AGBL1: variants seen among roughly 807,000 people sequenced by gnomAD.
AGBL1 encodes the protein cytosolic carboxypeptidase 4.
In AGBL1, 130 loss-of-function variants were observed where a neutral mutation model predicts 118.9. That is an observed-to-expected ratio of 1.09 (90% CI 0.95 to 1.26). The LOEUF is 1.26. Ranked by LOEUF, AGBL1 falls within the 50% of genes most tolerant of loss-of-function variation. AGBL1 has a pLI of 0.00. For synonymous variants in AGBL1, 555 were observed against 478.9 expected (o/e 1.16, Z -2.08); for missense variants, 1,584 against 1,298.1 (o/e 1.22, Z -3.38).
chr15:86,690,472 T>A (rs985283123), intron 22 of AGBL1, among the ~76,000 whole-genome samples: 7 of 152,158 alleles, frequency 4.6e-5, no homozygotes, highest in Admixed American at 4.6e-4. Flanking sequence ...GGGGTGAGAT[T>A]TAGTCCATTC....
At chr15:86,941,295 C>T (rs930782080) in intron 23 of AGBL1, among the ~76,000 whole-genome samples, 2 of 152,182 alleles carry the variant, frequency 1.3e-5, no homozygotes, top group African/African-American at 4.8e-5. Flanking sequence ...TCAACCCTGT[C>T]AGGACGTTGT....
chr15:86,845,875 A>C (rs1466779606), intron 22 of AGBL1, among the ~76,000 whole-genome samples: 1 of 152,178 alleles, frequency 6.6e-6, no homozygotes, highest in Non-Finnish European at 1.5e-5. Flanking sequence ...AAATATGTAT[A>C]TCTTTTCTCC....
At chr15:86,439,329 C>T (rs1275134286) in intron 18 of AGBL1, among the ~76,000 whole-genome samples, 5 of 152,152 alleles carry the variant, frequency 3.3e-5, no homozygotes, top group Non-Finnish European at 7.4e-5. Context: ...TTACATTTCC[C>T]CCCACATGAC....
Position 86,162,759 on chromosome 15 carries a change from G to T in AGBL1, c.488+3733G>T, listed in dbSNP as rs573160524. On this transcript the variant is annotated intron_variant, in intron 5 of 22. Coordinates refer to ENST00000614907, the MANE Select transcript of AGBL1 (RefSeq NM_001386094.1). ...TGCCTCAGCTTCCCTTTCCAGAGTG[G>T]TTTCTCATTCCTGCTCTCATCTCGC... 4.6e-5 allele frequency among the ~76,000 whole-genome samples: 7 copies of T among 152,290 alleles called. No individual in the cohort carries two copies. The South Asian group carries it at 1.4e-3, about 32-fold the overall frequency.
At chr15:86,199,400 A>G (rs2077868444) in intron 5 of AGBL1, among the ~76,000 whole-genome samples, 1 of 152,226 alleles carries the variant, frequency 6.6e-6, no homozygotes, top group Non-Finnish European at 1.5e-5. Flanking sequence ...CCTTAAAAGA[A>G]GATGTAACTT....
In AGBL1 at chr15:86,773,130, A is replaced by T. The variant is rs1470074924; in HGVS notation, c.3158+98694A>T. Among the ~76,000 whole-genome samples, 4 of 152,028 alleles carry T rather than the reference A, an allele frequency of 2.6e-5. No individual in the cohort carries two copies. In the East Asian group the frequency reaches 7.7e-4, roughly 29 times the overall value. On this transcript the variant is annotated intron_variant, in intron 22 of 22. Transcript: ENST00000614907. ...CATGGTTCAGTTCTGTTCAACCAAC[A>T]TTATTGAGTATATACATTGTGTTAG... is the stretch of plus-strand genomic sequence containing the variant.
chr15:86,774,973 G>C (rs545783966), intron 22 of AGBL1, among the ~76,000 whole-genome samples: 71 of 152,276 alleles, frequency 4.7e-4, no homozygotes, highest in African/African-American at 1.7e-3. Context: ...GCAAACTCAT[G>C]TTTGTACTTT....
chr15:86,143,371 A>G (rs2076989533), intron 2 of AGBL1, among the ~76,000 whole-genome samples: 1 of 152,220 alleles, frequency 6.6e-6, no homozygotes, highest in Admixed American at 6.5e-5. Flanking sequence ...ATTATTCAAA[A>G]GCCCATATGC....
At chr15:86,507,479 G>A (rs564117865) in intron 18 of AGBL1, among the ~76,000 whole-genome samples, 30 of 152,088 alleles carry the variant, frequency 2.0e-4, no homozygotes, top group African/African-American at 6.3e-4. Flanking sequence ...GGTAAGGTCC[G>A]TGTTATCATT....
chr15:86,869,623 G>C (rs530336862), intron 22 of AGBL1, among the ~76,000 whole-genome samples: 2 of 152,254 alleles, frequency 1.3e-5, no homozygotes, highest in South Asian at 4.2e-4. Flanking sequence ...AGAGAAGAAA[G>C]TGTTACCAAA....
intron 21 of AGBL1, among the ~76,000 whole-genome samples, chr15:86,555,760 G>A (rs928918670): frequency 2.6e-5 from 4 of 151,900 alleles, no homozygotes; most frequent in South Asian, 4.2e-4. Flanking sequence ...TTTTTCATAT[G>A]TCAAATGCAG....
At chr15:86,150,870 A>G (rs1489591176) in intron 3 of AGBL1, among the ~76,000 whole-genome samples, 1 of 152,182 alleles carries the variant, frequency 6.6e-6, no homozygotes, top group African/African-American at 2.4e-5. Context: ...ATCCTCAATG[A>G]AATACTGGCA....
intron 22 of AGBL1, among the ~76,000 whole-genome samples, chr15:86,722,256 C>A (rs144554223): frequency 0.43 from 64,852 of 152,034 alleles, 14,872 homozygotes; most frequent in African/African-American, 0.59. Context: ...ACTTCAAACT[C>A]TACTACAAGT....
rs386786008 is a variant in AGBL1 at position 86,200,549 on chromosome 15, TACC to T, written c.489-24364_489-24362del. On this transcript the variant is annotated intron_variant, in intron 5 of 22. Transcript: ENST00000614907. The stretch of plus-strand genomic sequence containing the variant: ...ATCCTACTCTAGAGTAATAGACCCC[TACC>T]CCCCCCCCCCTTTTTTTTTTGCTCC... 2.4e-3 allele frequency among the ~76,000 whole-genome samples: 76 copies of T among 31,970 alleles called. 1 individual carries two copies. The highest frequency in any genetic ancestry group is 7.7e-3 in the African/African-American group (70 of 9,108). 21.0% of individuals were successfully genotyped at this position (31,970 alleles called of 152,430 possible).
intron 22 of AGBL1, among the ~76,000 whole-genome samples, chr15:86,905,427 G>A (rs2080268767): frequency 1.3e-5 from 2 of 152,160 alleles, no homozygotes; most frequent in Admixed American, 1.3e-4. Flanking sequence ...ATTATTAGGA[G>A]TGCCAATTTG....
Position 86,225,106 on chromosome 15 carries a change from G to T in AGBL1, c.526+155G>T, listed in dbSNP as rs573652849. On this transcript the variant is annotated intron_variant, in intron 6 of 22. Coordinates refer to ENST00000614907, the MANE Select transcript of AGBL1 (RefSeq NM_001386094.1). ...AATTCCTGACCTTGAAAGTGATAAA[G>T]TCATGTCGTGGGTCTTTGGGGGTAA... Among the ~76,000 whole-genome samples, 7 of 148,766 alleles carry T rather than the reference G, an allele frequency of 4.7e-5. No individual in the cohort carries two copies. The South Asian group carries it at 1.5e-3, about 32-fold the overall frequency.
Position 86,458,065 on chromosome 15 carries a change from C to T in AGBL1, c.2555+60519C>T, listed in dbSNP as rs543022071. On this transcript the variant is annotated intron_variant, in intron 18 of 22. Coordinates refer to ENST00000614907, the MANE Select transcript of AGBL1 (RefSeq NM_001386094.1). ...TTTTTGGAAGCCAAATACACTGTCC[C>T]CGTATATTGCCACTTGAAAAAAATG... 4.3e-3 allele frequency among the ~76,000 whole-genome samples: 444 copies of T among 103,218 alleles called. 3 individuals are homozygous for T. Among genetic ancestry groups the T allele is most frequent in the African/African-American group, 0.021 (419 of 19,774 alleles). The allele number at this position is 103,218 out of a possible 152,430, so 67.7% of individuals were successfully genotyped here.
rs926148799 is a variant in AGBL1 at position 86,915,336 on chromosome 15, G to T, written c.*8042G>T. The T allele has an allele frequency of 1.3e-5, 2 of 152,236 alleles. No homozygotes were observed. The highest frequency in any genetic ancestry group is 4.8e-5 in the African/African-American group (2 of 41,466). 9.4% of individuals were successfully genotyped at this position (152,236 alleles called of 1,614,324 possible). ...CCCATGGTCTTAAGGATAAAATGCA[G>T]ACAGGACCTAGTGCTTGAGCCTTTT... is the stretch of plus-strand genomic sequence containing the variant. On this transcript the variant is annotated 3_prime_UTR_variant, in exon 23 of 23. Coordinates refer to ENST00000614907, the MANE Select transcript of AGBL1 (RefSeq NM_001386094.1).
chr15:86,579,675 A>T (rs2084147103), intron 21 of AGBL1, among the ~76,000 whole-genome samples: 2 of 152,192 alleles, frequency 1.3e-5, no homozygotes, highest in African/African-American at 2.4e-5. Flanking sequence ...ATTTAAAAAG[A>T]GGAGTAATGG....
Sources: allele counts gnomAD v4.1 joint callset (sites outside exome capture counted in the v4.1 genomes callset), GRCh38; gene constraint gnomAD v4.1.1; transcripts MANE v1.5; gene names NCBI Gene and HGNC (gene_info 2026-07-23, HGNC 2026-07-21).